SULT4A1: variants seen among roughly 807,000 people sequenced by gnomAD.
SULT4A1 encodes the protein sulfotransferase family 4A member 1.
A neutral mutation model predicts 35.2 loss-of-function variants in SULT4A1; 11 were observed. The observed-to-expected ratio is 0.31, with a 90% CI of 0.20 to 0.52. The LOEUF (loss-of-function observed/expected upper bound fraction) is 0.52, where lower values mean the gene tolerates loss of function less well. SULT4A1 is among the 20% of genes least tolerant of loss of function. SULT4A1 has a pLI of 0.97. For missense variants in SULT4A1, 271 were observed against 383.7 expected, an observed-to-expected ratio of 0.71 and a Z score of 2.45; for synonymous variants, 152 against 151.8, an observed-to-expected ratio of 1.00 and a Z score of -0.01.
chr22:43,849,785 C>G (rs999958498), intron 1 of SULT4A1, among the ~76,000 whole-genome samples: 3 of 152,356 alleles, frequency 2.0e-5, no homozygotes, highest in East Asian at 1.9e-4. Flanking sequence ...CACACTGACC[C>G]TTAACCCTCG....
chr22:43,862,457 G>A lies in SULT4A1; in HGVS notation c.-75C>T, dbSNP rs1207592860. On this transcript the variant is annotated 5_prime_UTR_variant, in exon 1 of 7. Transcript: ENST00000330884. Reference sequence around the variant, plus strand: ...CGCGCCCGCGCCCGCGCCCGCGCCCGCGCCCCGCACACGCTCGCGCCCCAC... The same window carrying A: ...CGCGCCCGCGCCCGCGCCCGCGCCCACGCCCCGCACACGCTCGCGCCCCAC... 1.3e-6 allele frequency: 1 copy of A among 747,098 alleles called. No individual in the cohort carries two copies. The highest frequency in any genetic ancestry group is 1.6e-6 in the Non-Finnish European group (1 of 620,360). The allele number at this position is 747,098 out of a possible 1,614,324, so 46.3% of individuals were successfully genotyped here. A position where few individuals can be genotyped will look rare whatever the true frequency, so the allele number is the denominator to read the frequency against.
At chr22:43,835,094 C>T (rs555386253) in intron 4 of SULT4A1, among the ~76,000 whole-genome samples, 1 of 148,448 alleles carries the variant, frequency 6.7e-6, no homozygotes, top group Non-Finnish European at 1.5e-5. Flanking sequence ...GCGCCCCCAC[C>T]GCTGCCCTGA....
At chr22:43,826,155 C>T (rs747356423) in intron 6 of SULT4A1, 42 bp from the exon 7 acceptor site, 11 of 1,609,602 alleles carry the variant, frequency 6.8e-6, no homozygotes, top group East Asian at 4.5e-5. Context: ...ACTTGCTGTC[C>T]GGCCAGCTAC....
At chr22:43,827,755 C>CCACACACACACA (rs3223292) in intron 6 of SULT4A1, 386 of 327,644 alleles carry the variant, frequency 1.2e-3, no homozygotes, top group African/African-American at 5.9e-3. Flanking sequence ...CGCTGCTTCA[C>CCACACACACACA]CACACACACA....
At chr22:43,851,867 G>T (rs1054163403) in intron 1 of SULT4A1, among the ~76,000 whole-genome samples, 1 of 152,154 alleles carries the variant, frequency 6.6e-6, no homozygotes, top group Non-Finnish European at 1.5e-5. Context: ...CCTGGGCTGG[G>T]CTGCTGGAAT....
chr22:43,839,021 C>T (rs763343218), intron 3 of SULT4A1, 28 bp from the exon 4 acceptor site: 13 of 1,610,092 alleles, frequency 8.1e-6, no homozygotes, highest in African/African-American at 1.3e-5. Context: ...AGGATGAGTC[C>T]GTGTCTCCTT....
chr22:43,847,471 C>T (rs2063483816), intron 1 of SULT4A1, among the ~76,000 whole-genome samples: 1 of 152,230 alleles, frequency 6.6e-6, no homozygotes, highest in Admixed American at 6.5e-5. Flanking sequence ...CCTGGTGGTG[C>T]CCTTGGGCAT....
intron 4 of SULT4A1, among the ~76,000 whole-genome samples, chr22:43,835,142 GC>G (rs2063360330): frequency 7.0e-6 from 1 of 142,522 alleles, no homozygotes; most frequent in Non-Finnish European, 1.6e-5. Flanking sequence ...AGCTTCCCGC[GC>G]CCCCACCGCA....
intron 1 of SULT4A1, among the ~76,000 whole-genome samples, chr22:43,842,525 T>G (rs138077): frequency 0.47 from 70,844 of 151,880 alleles, 16,821 homozygotes; most frequent in South Asian, 0.65. Context: ...GTCACCATGG[T>G]GTACTACACA....
Position 43,829,070 on chromosome 22 carries a change from G to A in SULT4A1, c.732C>T (p.Pro244=), listed in dbSNP as rs781641415. Residue 244 remains proline, a synonymous_variant, in exon 6 of 7, where the codon CCC becomes CCT. Coordinates refer to ENST00000330884, the MANE Select transcript of SULT4A1 (RefSeq NM_014351.4). ...VDQCCNAEAL[P]VGRGRVGLWK... Reference sequence around the variant, plus strand: ...GGGTGGGGCACGTACCCCGGCCCACGGGCAGGGCCTCAGCGTTGCAGCACT... The same window carrying A: ...GGGTGGGGCACGTACCCCGGCCCACAGGCAGGGCCTCAGCGTTGCAGCACT... 31 of 1,531,976 alleles carry A rather than the reference G, an allele frequency of 2.0e-5. No homozygotes were observed. The highest frequency in any genetic ancestry group is 3.6e-5 in the South Asian group (3 of 82,496). 94.9% of individuals were successfully genotyped at this position (1,531,976 alleles called of 1,614,324 possible).
chr22:43,862,400 C>T lies in SULT4A1; in HGVS notation c.-18G>A. On this transcript the variant is annotated 5_prime_UTR_variant, in exon 1 of 7. Coordinates refer to ENST00000330884, the MANE Select transcript of SULT4A1 (RefSeq NM_014351.4). ...TCCGCCATGCCGCCGCCGTCGCCGTCGCCGCCGCCGCCTCCCGGCTCGCAG... is the reference window on the plus strand; with the variant it reads ...TCCGCCATGCCGCCGCCGTCGCCGTTGCCGCCGCCGCCTCCCGGCTCGCAG... 8.1e-7 allele frequency: 1 copy of T among 1,234,770 alleles called. No homozygotes were observed. Among genetic ancestry groups the T allele is most frequent in the Non-Finnish European group, 1.0e-6 (1 of 968,868 alleles). 76.5% of individuals were successfully genotyped at this position (1,234,770 alleles called of 1,614,324 possible). A position where few individuals can be genotyped will look rare whatever the true frequency, so the allele number is the denominator to read the frequency against.
intron 6 of SULT4A1, chr22:43,827,607 C>CTTGA: frequency 7.3e-7 from 1 of 1,366,506 alleles, no homozygotes; most frequent in Non-Finnish European, 9.8e-7. Context: ...TTCTCACCAA[C>CTTGA]TCAAGAAGAT....
At chr22:43,848,937 G>C (rs950609957) in intron 1 of SULT4A1, among the ~76,000 whole-genome samples, 1 of 152,214 alleles carries the variant, frequency 6.6e-6, no homozygotes, top group East Asian at 1.9e-4. Flanking sequence ...GCAGCTCTTC[G>C]CAAGTCGGCT....
intron 2 of SULT4A1, among the ~76,000 whole-genome samples, chr22:43,840,679 T>C (rs1391768781): frequency 1.3e-5 from 2 of 152,130 alleles, no homozygotes; most frequent in Non-Finnish European, 2.9e-5. Context: ...TGCTTCCACC[T>C]GCCCCTCGGG....
intron 2 of SULT4A1, among the ~76,000 whole-genome samples, 171 bp downstream of exon 2, chr22:43,841,631 C>T (rs940465204): frequency 8.5e-5 from 13 of 152,172 alleles, no homozygotes; most frequent in Non-Finnish European, 1.8e-4. Context: ...ACGCCCTCAT[C>T]GGGTTCCAGG....
chr22:43,849,680 C>T (rs1273362254), intron 1 of SULT4A1, among the ~76,000 whole-genome samples: 1 of 152,166 alleles, frequency 6.6e-6, no homozygotes, highest in African/African-American at 2.4e-5. Context: ...ATAAAATCCC[C>T]CACATTTACC....
At chr22:43,843,094 G>A (rs9614191) in intron 1 of SULT4A1, among the ~76,000 whole-genome samples, 3,920 of 150,770 alleles carry the variant, frequency 0.026, 72 homozygotes, top group Middle Eastern at 0.048. Flanking sequence ...ATCTTCCCCC[G>A]CCTTTCTGTC....
chr22:43,848,680 A>C (rs2063491685), intron 1 of SULT4A1, among the ~76,000 whole-genome samples: 1 of 152,212 alleles, frequency 6.6e-6, no homozygotes, highest in Non-Finnish European at 1.5e-5. Flanking sequence ...GCTGTGGGAC[A>C]AACAGGGGGC....
At chr22:43,840,629 T>G (rs2063419423) in intron 2 of SULT4A1, among the ~76,000 whole-genome samples, 1 of 152,174 alleles carries the variant, frequency 6.6e-6, no homozygotes, top group African/African-American at 2.4e-5. Flanking sequence ...GCTGCCAGGC[T>G]GGCGCTGGAC....
Sources: allele counts gnomAD v4.1 joint callset (sites outside exome capture counted in the v4.1 genomes callset), GRCh38; gene constraint gnomAD v4.1.1; transcripts MANE v1.5; gene names NCBI Gene and HGNC (gene_info 2026-07-23, HGNC 2026-07-21).